The following SLC41A2 variants were observed in gnomAD, a reference collection of about 807,000 sequenced individuals.
SLC41A2 encodes solute carrier family 41 member 2.
SLC41A2 carries 32 observed loss-of-function variants against 58.3 expected under a neutral mutation model. The observed-to-expected ratio is 0.55, with a 90% CI of 0.41 to 0.74. The LOEUF is 0.74. SLC41A2 is among the 30% of genes least tolerant of loss of function. The probability of loss-of-function intolerance (pLI) is 0.00; values close to 1 mark genes in which losing one functional copy is unlikely to be tolerated. For missense variants in SLC41A2, 514 were observed against 680.6 expected (o/e 0.76, Z 2.72); for synonymous variants, 190 against 235.0 (o/e 0.81, Z 1.75).
chr12:104,923,202 AG>A (rs2046679810), intron 2 of SLC41A2, among the ~76,000 whole-genome samples: 3 of 141,468 alleles, frequency 2.1e-5, no homozygotes, highest in Non-Finnish European at 3.1e-5. Context: ...CTCTACTAAA[AG>A]CACAAAAAAT....
intron 7 of SLC41A2, among the ~76,000 whole-genome samples, chr12:104,864,419 T>A (rs1056789616): frequency 2.6e-5 from 4 of 152,216 alleles, no homozygotes; most frequent in African/African-American, 9.6e-5. Context: ...ATCATTTTAG[T>A]GTTGCTACTG....
intron 3 of SLC41A2, among the ~76,000 whole-genome samples, chr12:104,896,193 G>A (rs1267847816): frequency 6.6e-6 from 1 of 152,138 alleles, no homozygotes; most frequent in East Asian, 1.9e-4. Context: ...TTTTAACCAG[G>A]TACAGTCTAG....
intron 8 of SLC41A2, among the ~76,000 whole-genome samples, chr12:104,854,544 A>C (rs527680447): frequency 5.3e-5 from 8 of 149,794 alleles, no homozygotes; most frequent in African/African-American, 1.5e-4. Flanking sequence ...GCCTGGGCGA[A>C]AGAGCCAGAC....
Position 104,844,379 on chromosome 12 carries a change from T to C in SLC41A2, c.1536+93A>G, listed in dbSNP as rs547851427. The C allele has an allele frequency of 1.8e-5, 15 of 834,860 alleles. No individual in the cohort carries two copies. The East Asian group carries it at 4.5e-4, about 25-fold the overall frequency. 51.7% of individuals were successfully genotyped at this position (834,860 alleles called of 1,614,324 possible). On this transcript the variant is annotated intron_variant, in intron 10 of 10. Coordinates refer to ENST00000258538, the MANE Select transcript of SLC41A2 (RefSeq NM_001352171.3). ...GAAGATGTTCAGTTGATTTTTGAAA[T>C]GGTAAAATGTGTCATGTGTTTTTAT...
intron 5 of SLC41A2, among the ~76,000 whole-genome samples, chr12:104,887,623 CT>C (rs1389623482): frequency 1.3e-5 from 2 of 151,912 alleles, no homozygotes; most frequent in African/African-American, 4.8e-5. Context: ...CGCTTAGAAT[CT>C]TTTTCCAAAA....
intron 10 of SLC41A2, among the ~76,000 whole-genome samples, chr12:104,815,813 T>A (rs1203643772): frequency 6.6e-6 from 1 of 152,148 alleles, no homozygotes; most frequent in Non-Finnish European, 1.5e-5. Context: ...CTGCTAAGAA[T>A]AATTTAGCAT....
chr12:104,853,921 T>TTTTTTTTA (rs2042913574), intron 8 of SLC41A2, among the ~76,000 whole-genome samples: 1 of 135,036 alleles, frequency 7.4e-6, no homozygotes, highest in Non-Finnish European at 1.6e-5. Flanking sequence ...ATTTTTTTTT[T>TTTTTTTTA]TTTTTTTTTT....
At chr12:104,925,936 A>G (rs2046819321) in intron 2 of SLC41A2, among the ~76,000 whole-genome samples, 1 of 152,212 alleles carries the variant, frequency 6.6e-6, no homozygotes, top group South Asian at 2.1e-4. Context: ...TTTCAAGTGG[A>G]TGTAGGTTTG....
chr12:104,823,124 T>C (rs1245965264), intron 10 of SLC41A2, among the ~76,000 whole-genome samples: 2 of 152,140 alleles, frequency 1.3e-5, no homozygotes, highest in African/African-American at 4.8e-5. Flanking sequence ...TTCCAGAAGG[T>C]TTGAGATAGA....
intron 3 of SLC41A2, among the ~76,000 whole-genome samples, chr12:104,908,262 CA>C (rs533584737): frequency 1.4e-4 from 21 of 151,412 alleles, no homozygotes; most frequent in African/African-American, 4.1e-4. Flanking sequence ...GATTCCGTCT[CA>C]AAAAAAATAA....
intron 5 of SLC41A2, among the ~76,000 whole-genome samples, chr12:104,888,160 C>T (rs149308847): frequency 1.9e-4 from 29 of 152,090 alleles, no homozygotes; most frequent in Admixed American, 9.2e-4. Context: ...AATGTTAACT[C>T]CATTCAACTA....
chr12:104,902,302 T>A (rs1173728254), intron 3 of SLC41A2, among the ~76,000 whole-genome samples: 2 of 151,944 alleles, frequency 1.3e-5, no homozygotes, highest in Admixed American at 6.6e-5. Flanking sequence ...AGGTGGGGCA[T>A]AAGGAAAAAG....
intron 6 of SLC41A2, among the ~76,000 whole-genome samples, chr12:104,877,700 A>T (rs548376544): frequency 3.9e-5 from 6 of 152,282 alleles, no homozygotes; most frequent in African/African-American, 9.6e-5. Flanking sequence ...TGTATAATTT[A>T]AAAAAATAAA....
At chr12:104,938,744 AT>A (rs1421045150) in intron 1 of SLC41A2, among the ~76,000 whole-genome samples, 12 of 152,228 alleles carry the variant, frequency 7.9e-5, no homozygotes, top group Non-Finnish European at 8.8e-5. Flanking sequence ...AGAGTTTGGA[AT>A]TGTTTATTAT....
At position 104,915,781 on chromosome 12, in the gene SLC41A2, C is replaced by T. The variant is rs11832763; in HGVS notation, c.556-6019G>A. Among the ~76,000 whole-genome samples, 883 of 152,216 alleles carry T rather than the reference C, an allele frequency of 5.8e-3. 6 individuals are homozygous for T. The highest frequency in any genetic ancestry group is 0.02 in the African/African-American group (819 of 41,522). ...TGTATTTCCTTCTCCTGCCTGATTG[C>T]CCTGGCCAGAACTTCCAACACTATG... is the stretch of plus-strand genomic sequence containing the variant. On this transcript the variant is annotated intron_variant, in intron 2 of 10. Coordinates refer to ENST00000258538, the MANE Select transcript of SLC41A2 (RefSeq NM_001352171.3).
intron 7 of SLC41A2, among the ~76,000 whole-genome samples, chr12:104,863,778 C>T (rs2043301066): frequency 6.6e-6 from 1 of 152,104 alleles, no homozygotes; most frequent in Non-Finnish European, 1.5e-5. Context: ...ATTATAACAA[C>T]AGAAATTTCA....
intron 10 of SLC41A2, among the ~76,000 whole-genome samples, chr12:104,838,116 T>G (rs1026781548): frequency 6.6e-6 from 1 of 152,240 alleles, no homozygotes; most frequent in Non-Finnish European, 1.5e-5. Flanking sequence ...CTGAATCATG[T>G]GAACATGACT....
In SLC41A2 at chr12:104,928,516, A is replaced by C; in HGVS notation, c.12T>G (p.Ser4Arg). The C allele has an allele frequency of 6.7e-7, 1 of 1,501,980 alleles. No individual in the cohort carries two copies. Among genetic ancestry groups the C allele is most frequent in the Non-Finnish European group, 8.9e-7 (1 of 1,124,540 alleles). 93.0% of individuals were successfully genotyped at this position (1,501,980 alleles called of 1,614,324 possible). The change falls in exon 2 of 11, where the codon AGT (serine) becomes AGG (arginine). Residue 4 changes from serine to arginine, a missense_variant. By Grantham distance (110) the Ser-to-Arg change is moderately radical (BLOSUM62 -1). This residue lies in a region of SLC41A2 where 336 missense variants were observed against 430.0 expected (regional missense o/e 0.78). Coordinates refer to ENST00000258538, the MANE Select transcript of SLC41A2 (RefSeq NM_001352171.3). MTNSKGRSITDKTS... is the reference protein window; with the variant it reads MTNRKGRSITDKTS... ...TTTTATCGGTAATAGATCTTCCTTT[A>C]CTATTAGTCATATTGTCATCACAAA...
rs144878167 is a variant in SLC41A2 at position 104,857,385 on chromosome 12, A to G, written c.1255+3906T>C. 2.0e-5 allele frequency among the ~76,000 whole-genome samples: 3 copies of G among 152,328 alleles called. No homozygotes were observed. In the East Asian group the frequency reaches 5.8e-4, roughly 29 times the overall value. ...CGTAGTAGGATGTGGAGAAATAGGA[A>G]CATGTTTACACTGCTGGTGGGACTG... On this transcript the variant is annotated intron_variant, in intron 8 of 10. Coordinates refer to ENST00000258538, the MANE Select transcript of SLC41A2 (RefSeq NM_001352171.3).
Sources: allele counts gnomAD v4.1 joint callset (sites outside exome capture counted in the v4.1 genomes callset), GRCh38; gene constraint gnomAD v4.1.1; regional missense constraint gnomAD v4.1.1; transcripts MANE v1.5; gene names NCBI Gene and HGNC (gene_info 2026-07-23, HGNC 2026-07-21).